The following PDE11A variants were observed in gnomAD, a reference collection of about 807,000 sequenced individuals.
The protein encoded by PDE11A is dual 3',5'-cyclic-AMP and -GMP phosphodiesterase 11A.
In PDE11A, 100 loss-of-function variants were observed where a neutral mutation model predicts 100.5. The ratio of observed to expected loss-of-function variants is 1.00; its 90% CI spans 0.85 to 1.18. The LOEUF (loss-of-function observed/expected upper bound fraction) is 1.18. Ranked by LOEUF, PDE11A falls within the 50% of genes most tolerant of loss-of-function variation. PDE11A has a pLI of 0.00. For missense variants in PDE11A, 1,141 were observed against 1,152.6 expected, an observed-to-expected ratio of 0.99 and a Z score of 0.15; for synonymous variants, 381 against 420.8, an observed-to-expected ratio of 0.91 and a Z score of 1.16.
intron 1 of PDE11A, chr2:178,018,129 A>T: frequency 1.2e-4 from 34 of 280,072 alleles, no homozygotes; most frequent in South Asian, 3.3e-4. Flanking sequence ...GGTGTGGAGC[A>T]CAGCATGTTC....
At chr2:177,812,599 T>C (rs551979787) in intron 9 of PDE11A, among the ~76,000 whole-genome samples, 3 of 152,184 alleles carry the variant, frequency 2.0e-5, no homozygotes, top group Admixed American at 2.0e-4. Context: ...AAGCTAGATA[T>C]GAGCAGGAGG....
intron 10 of PDE11A, among the ~76,000 whole-genome samples, chr2:177,754,505 A>AT (rs2082065815): frequency 1.3e-5 from 2 of 152,222 alleles, no homozygotes; most frequent in Non-Finnish European, 2.9e-5. Context: ...TTAAAGCCCA[A>AT]GCTTGTTTAT....
intron 1 of PDE11A, among the ~76,000 whole-genome samples, chr2:178,105,165 G>A (rs985395278): frequency 1.2e-4 from 19 of 152,144 alleles, no homozygotes. Context: ...GTTTTAAGTA[G>A]TAAAGACCCT....
At chr2:178,054,393 C>T (rs944342249) in intron 1 of PDE11A, among the ~76,000 whole-genome samples, 1 of 152,138 alleles carries the variant, frequency 6.6e-6, no homozygotes, top group African/African-American at 2.4e-5. Context: ...ACCATAAAAA[C>T]CCTAGAAGAA....
intron 15 of PDE11A, among the ~76,000 whole-genome samples, chr2:177,688,775 G>A (rs763081809): frequency 3.1e-4 from 47 of 152,110 alleles, no homozygotes; most frequent in Admixed American, 5.9e-4. Context: ...TGAACAGAAC[G>A]GCTAAAATTA....
intron 2 of PDE11A, among the ~76,000 whole-genome samples, chr2:177,986,037 CT>C (rs1215468391): frequency 1.3e-5 from 2 of 152,150 alleles, no homozygotes; most frequent in African/African-American, 2.4e-5. Flanking sequence ...TTTCTGAGTC[CT>C]TTTTTGTCCA....
At chr2:177,690,304 T>C (rs4893980) in intron 15 of PDE11A, among the ~76,000 whole-genome samples, 104,061 of 152,094 alleles carry the variant, frequency 0.68, 38,912 homozygotes, top group East Asian at 0.82. Flanking sequence ...GATAGAGTAA[T>C]GGCTTAAGTT....
intron 9 of PDE11A, among the ~76,000 whole-genome samples, chr2:177,813,693 C>G (rs914793366): frequency 2.6e-5 from 4 of 152,062 alleles, no homozygotes; most frequent in Non-Finnish European, 4.4e-5. Flanking sequence ...CATGAACACA[C>G]AGCAAGACAT....
At chr2:177,696,568 G>A (rs1352420842) in intron 15 of PDE11A, among the ~76,000 whole-genome samples, 2 of 152,142 alleles carry the variant, frequency 1.3e-5, no homozygotes, top group East Asian at 3.8e-4. Flanking sequence ...GATAGAGTGC[G>A]GAGATGGACT....
At chr2:177,730,125 G>T (rs373265667) in intron 10 of PDE11A, among the ~76,000 whole-genome samples, 1 of 151,990 alleles carries the variant, frequency 6.6e-6, no homozygotes, top group African/African-American at 2.4e-5. Context: ...TGTGCACAAC[G>T]TGCAGGTTTG....
chr2:177,862,994 G>A lies in PDE11A; in HGVS notation c.1367+12865C>T, dbSNP rs76463628. Among the ~76,000 whole-genome samples, 301 of 152,000 alleles carry A rather than the reference G, an allele frequency of 2.0e-3. 7 individuals are homozygous for A. In the East Asian group the frequency reaches 0.046, roughly 23 times the overall value. On this transcript the variant is annotated intron_variant, in intron 5 of 19. Transcript: ENST00000286063. ...GACATAAAAACTGACACACAAGCCA[G>A]TGGAACAGAATATAGAGCCCAGAAA...
intron 13 of PDE11A, among the ~76,000 whole-genome samples, chr2:177,706,002 AG>A (rs993085544): frequency 1.3e-5 from 2 of 152,238 alleles, no homozygotes; most frequent in African/African-American, 4.8e-5. Context: ...TAGAGAAAAC[AG>A]GGGAGAGGTG....
chr2:178,035,256 C>T (rs564247723), intron 1 of PDE11A, among the ~76,000 whole-genome samples: 63 of 152,258 alleles, frequency 4.1e-4, no homozygotes, highest in African/African-American at 1.5e-3. Context: ...CACTACTACT[C>T]AAATAAACTA....
chr2:177,944,743 A>T (rs1465078559), intron 2 of PDE11A, among the ~76,000 whole-genome samples: 1 of 151,102 alleles, frequency 6.6e-6, no homozygotes, highest in Non-Finnish European at 1.5e-5. Flanking sequence ...TGAGAGAGGG[A>T]GCGTGGAGCC....
chr2:177,891,168 T>C (rs2084522994), intron 4 of PDE11A, among the ~76,000 whole-genome samples: 2 of 152,164 alleles, frequency 1.3e-5, no homozygotes, highest in Non-Finnish European at 2.9e-5. Context: ...AGTTAAAATA[T>C]ATTTTCAGCT....
At chr2:177,840,662 A>G (rs186058765) in intron 5 of PDE11A, among the ~76,000 whole-genome samples, 1 of 152,332 alleles carries the variant, frequency 6.6e-6, no homozygotes, top group African/African-American at 2.4e-5. Flanking sequence ...TGGCAAACAC[A>G]TGTAAGGACC....
At chr2:177,634,979 G>T (rs1458159281) in intron 19 of PDE11A, among the ~76,000 whole-genome samples, 1 of 152,118 alleles carries the variant, frequency 6.6e-6, no homozygotes, top group African/African-American at 2.4e-5. Flanking sequence ...ATATACACAC[G>T]GAGGAACTCT....
intron 2 of PDE11A, among the ~76,000 whole-genome samples, chr2:178,100,117 A>G (rs1574398621): frequency 6.6e-6 from 1 of 152,228 alleles, no homozygotes; most frequent in South Asian, 2.1e-4. Flanking sequence ...CAATGGGTAC[A>G]GAGTTTCAGT....
In PDE11A at chr2:177,714,020, GTCTC is replaced by G. The variant is rs576951417; in HGVS notation, c.2044-2146_2044-2143del. Among the ~76,000 whole-genome samples, 210 of 109,418 alleles carry G rather than the reference GTCTC, an allele frequency of 1.9e-3. 1 individual carries two copies. The highest frequency in any genetic ancestry group is 8.9e-3 in the Middle Eastern group (1 of 112). 71.8% of individuals were successfully genotyped at this position (109,418 alleles called of 152,430 possible). A position where few individuals can be genotyped will look rare whatever the true frequency, so the allele number is the denominator to read the frequency against. ...TTTTTTTTTTTTTTTTTGAGACGGAGTCTCTCTCTGTCGCCCAGGCTGGAGTGCA... is the reference window on the plus strand; with the variant it reads ...TTTTTTTTTTTTTTTTTGAGACGGAGTCTCTGTCGCCCAGGCTGGAGTGCA... On this transcript the variant is annotated intron_variant, in intron 12 of 19. Coordinates refer to ENST00000286063, the MANE Select transcript of PDE11A (RefSeq NM_016953.4).
Sources: allele counts gnomAD v4.1 joint callset (sites outside exome capture counted in the v4.1 genomes callset), GRCh38; gene constraint gnomAD v4.1.1; transcripts MANE v1.5; gene names NCBI Gene and HGNC (gene_info 2026-07-23, HGNC 2026-07-21).